The following TMEM200A variants were observed in gnomAD, a reference collection of about 807,000 sequenced individuals.
The protein encoded by TMEM200A is transmembrane protein 200A.
Under a neutral mutation model 24.3 loss-of-function variants are expected in TMEM200A, and 12 were observed. The ratio of observed to expected loss-of-function variants is 0.49; its 90% confidence interval spans 0.32 to 0.80. The LOEUF is 0.80. TMEM200A is among the 30% of genes least tolerant of loss of function. The pLI is 0.04. For missense variants in TMEM200A, 545 were observed against 614.4 expected (o/e 0.89, Z 1.19); for synonymous variants, 224 against 224.4 (o/e 1.00, Z 0.02).
intron 1 of TMEM200A, among the ~76,000 whole-genome samples, chr6:130,368,129 GA>G (rs755106501): frequency 1.3e-4 from 20 of 152,296 alleles, no homozygotes; most frequent in Middle Eastern, 3.4e-3. Context: ...AATTTTTAGT[GA>G]AGCTTTTGAA....
chr6:130,389,965 A>G (rs144502987), intron 2 of TMEM200A, among the ~76,000 whole-genome samples: 1 of 152,332 alleles, frequency 6.6e-6, no homozygotes, highest in East Asian at 1.9e-4. Context: ...CTGATAACGA[A>G]GAGTTACTAA....
At chr6:130,399,888 T>C (rs542792525) in intron 2 of TMEM200A, among the ~76,000 whole-genome samples, 40 of 152,082 alleles carry the variant, frequency 2.6e-4, no homozygotes, top group Middle Eastern at 3.4e-3. Flanking sequence ...TCTTATGCCT[T>C]TGCATCTTCA....
At chr6:130,397,841 A>G (rs1433057087) in intron 2 of TMEM200A, among the ~76,000 whole-genome samples, 1 of 151,286 alleles carries the variant, frequency 6.6e-6, no homozygotes, top group East Asian at 1.9e-4. Context: ...CATTTTTATA[A>G]TAATCATATC....
rs1185545509 is a variant in TMEM200A at position 130,442,105 on chromosome 6, TTTCTC to T, written c.*211_*215del. The T allele has an allele frequency of 3.3e-5, 14 of 428,020 alleles. No individual in the cohort carries two copies. Among genetic ancestry groups the T allele is most frequent in the Non-Finnish European group, 5.1e-5 (12 of 235,494 alleles). 26.5% of individuals were successfully genotyped at this position (428,020 alleles called of 1,614,324 possible). ...CTATGTTACCACACATGATTTTATT[TTTCTC>T]TTCCTTTGAAAGCATGATCTCTTTT... is the stretch of plus-strand genomic sequence containing the variant. On this transcript the variant is annotated 3_prime_UTR_variant, in exon 3 of 3. Transcript: ENST00000296978.
At chr6:130,427,443 T>C (rs1779771175) in intron 2 of TMEM200A, among the ~76,000 whole-genome samples, 1 of 152,216 alleles carries the variant, frequency 6.6e-6, no homozygotes, top group Non-Finnish European at 1.5e-5. Flanking sequence ...AATTTTCTGT[T>C]GCTGAGCATT....
At chr6:130,432,302 T>C (rs1231638428) in intron 2 of TMEM200A, among the ~76,000 whole-genome samples, 1 of 152,234 alleles carries the variant, frequency 6.6e-6, no homozygotes, top group African/African-American at 2.4e-5. Flanking sequence ...TGAACGGGTT[T>C]AGGTTTTCCT....
intron 2 of TMEM200A, among the ~76,000 whole-genome samples, chr6:130,420,642 C>A (rs1489256739): frequency 1.3e-5 from 2 of 152,096 alleles, no homozygotes; most frequent in Non-Finnish European, 2.9e-5. Flanking sequence ...ATTATTCTGG[C>A]CTGTGAGCTC....
intron 1 of TMEM200A, among the ~76,000 whole-genome samples, chr6:130,378,300 T>C (rs1404455595): frequency 6.6e-6 from 1 of 151,976 alleles, no homozygotes; most frequent in Non-Finnish European, 1.5e-5. Flanking sequence ...TTACTTTTAT[T>C]GCTAGTCTCA....
chr6:130,366,585 G>A lies in TMEM200A; in HGVS notation c.-81+61G>A. Reference sequence around the variant, plus strand: ...AGGTGGGTGGGCGGCCACCGCAGCCGAAACCGGGCACTTCTTCAGCCCTCT... The same window carrying A: ...AGGTGGGTGGGCGGCCACCGCAGCCAAAACCGGGCACTTCTTCAGCCCTCT... On this transcript the variant is annotated intron_variant, in intron 1 of 2. Coordinates refer to ENST00000296978, the MANE Select transcript of TMEM200A (RefSeq NM_001258277.2). This position sits in a 1 kb window ranked among gnomAD's most constrained non-coding sequence, Gnocchi z 4.4. The A allele has an allele frequency of 4.1e-6, 4 of 985,794 alleles. No homozygotes were observed. In the South Asian group the frequency reaches 1.4e-4, roughly 35 times the overall value. The allele number at this position is 985,794 out of a possible 1,614,324, so 61.1% of individuals were successfully genotyped here. A position where few individuals can be genotyped will look rare whatever the true frequency, so the allele number is the denominator to read the frequency against.
In TMEM200A at chr6:130,366,188, C is replaced by A; in HGVS notation, c.-417C>A. ...GGACTCTGCGCCCGGATGGCGGCGGCCCTCTGTGAGCACCGGCAGCGGCGC... is the reference window on the plus strand; with the variant it reads ...GGACTCTGCGCCCGGATGGCGGCGGACCTCTGTGAGCACCGGCAGCGGCGC... On this transcript the variant is annotated 5_prime_UTR_variant, in exon 1 of 3. Transcript: ENST00000296978. The surrounding 1 kb of genome is among the most constrained non-coding windows in gnomAD (Gnocchi z 4.4). The A allele has an allele frequency of 1.0e-6, 1 of 985,256 alleles. No individual in the cohort carries two copies. The highest frequency in any genetic ancestry group is 1.2e-6 in the Non-Finnish European group (1 of 829,806). The allele number at this position is 985,256 out of a possible 1,614,324, so 61.0% of individuals were successfully genotyped here.
intron 1 of TMEM200A, chr6:130,381,994 T>TA: frequency 1.0e-6 from 1 of 984,050 alleles, no homozygotes; most frequent in Non-Finnish European, 1.2e-6. Flanking sequence ...CCTTCAAAGA[T>TA]AGTTTTAAAG....
At chr6:130,401,405 T>C (rs1421309558) in intron 2 of TMEM200A, among the ~76,000 whole-genome samples, 5 of 80,836 alleles carry the variant, frequency 6.2e-5, no homozygotes, top group African/African-American at 2.8e-4. Context: ...TTCTTTCTTT[T>C]TCTTTCTTTC....
chr6:130,433,896 A>C (rs146017748), intron 2 of TMEM200A, among the ~76,000 whole-genome samples: 119 of 152,370 alleles, frequency 7.8e-4, no homozygotes, highest in African/African-American at 2.8e-3. Context: ...ATTAGAATCT[A>C]TCTGCATGGC....
chr6:130,375,915 A>G (rs571984999), intron 1 of TMEM200A, among the ~76,000 whole-genome samples: 67 of 152,324 alleles, frequency 4.4e-4, no homozygotes, highest in Non-Finnish European at 8.8e-4. Context: ...GATATGTCAT[A>G]TATCACTATA....
intron 2 of TMEM200A, chr6:130,438,039 A>G (rs1288351053): frequency 2.6e-5 from 4 of 152,332 alleles, no homozygotes; most frequent in South Asian, 2.1e-4. Flanking sequence ...TAAGCCTGCC[A>G]TATGGAAATA....
chr6:130,365,917 G>T, upstream of TMEM200A: 1 of 985,668 alleles, frequency 1.0e-6, no homozygotes, highest in Non-Finnish European at 1.2e-6. Context: ...CACGGTCCGG[G>T]GTCGCAGGCG....
chr6:130,411,261 A>T (rs1247636971), intron 2 of TMEM200A, among the ~76,000 whole-genome samples: 1 of 152,086 alleles, frequency 6.6e-6, no homozygotes, highest in East Asian at 1.9e-4. Flanking sequence ...GTCTTAGCTT[A>T]TGGGGTGCTA....
chr6:130,418,533 C>T (rs17058948), intron 2 of TMEM200A, among the ~76,000 whole-genome samples: 1,990 of 152,156 alleles, frequency 0.013, 38 homozygotes, highest in African/African-American at 0.045. Flanking sequence ...GATAAATATT[C>T]CCACTTTACG....
chr6:130,428,516 A>G (rs1205491444), intron 2 of TMEM200A, among the ~76,000 whole-genome samples: 1 of 152,038 alleles, frequency 6.6e-6, no homozygotes, highest in African/African-American at 2.4e-5. Context: ...TCTCTCTGAC[A>G]GCAACTCTGA....
Sources: allele counts gnomAD v4.1 joint callset (sites outside exome capture counted in the v4.1 genomes callset), GRCh38; gene constraint gnomAD v4.1.1; non-coding constraint Gnocchi (gnomAD v3.1); transcripts MANE v1.5; gene names NCBI Gene and HGNC (gene_info 2026-07-23, HGNC 2026-07-21).